Variants in SDK1 observed in about 807,000 individuals in gnomAD.
SDK1 encodes the protein sidekick cell adhesion molecule 1.
A neutral mutation model predicts 245.5 loss-of-function variants in SDK1; 157 were observed. That is an observed-to-expected ratio of 0.64 (90% confidence interval 0.56 to 0.73). The LOEUF is 0.73. Ranked by LOEUF, SDK1 falls within the 30% of genes least tolerant of loss-of-function variation. The pLI is 0.00. For missense variants in SDK1, 3,583 were observed against 3,002.3 expected (o/e 1.19, Z -4.52); for synonymous variants, 1,647 against 1,278.5 (o/e 1.29, Z -6.15).
At chr7:4,197,288 C>T (rs1324937870) in intron 35 of SDK1, among the ~76,000 whole-genome samples, 1 of 150,168 alleles carries the variant, frequency 6.7e-6, no homozygotes, top group Non-Finnish European at 1.5e-5. Flanking sequence ...TGTAGCAAGA[C>T]CTCATCTCTG....
intron 1 of SDK1, among the ~76,000 whole-genome samples, chr7:3,334,286 G>T (rs1780143534): frequency 6.6e-6 from 1 of 152,154 alleles, no homozygotes; most frequent in Admixed American, 6.5e-5. Flanking sequence ...TCCTTGATAG[G>T]TTGACTTGTT....
chr7:4,185,767 A>T (rs1782854524), intron 35 of SDK1, among the ~76,000 whole-genome samples: 1 of 151,878 alleles, frequency 6.6e-6, no homozygotes, highest in Non-Finnish European at 1.5e-5. Context: ...CCAGAACGTT[A>T]GCATAAGGCC....
At chr7:3,460,645 G>A (rs1780806064) in intron 1 of SDK1, among the ~76,000 whole-genome samples, 1 of 152,056 alleles carries the variant, frequency 6.6e-6, no homozygotes, top group South Asian at 2.1e-4. Context: ...TATTTTATAG[G>A]TTCTATAAAA....
chr7:3,526,024 C>T (rs1466651838), intron 1 of SDK1, among the ~76,000 whole-genome samples: 3 of 151,998 alleles, frequency 2.0e-5, no homozygotes, highest in Non-Finnish European at 4.4e-5. Flanking sequence ...CACCTGAGGT[C>T]GGGAGTTTGA....
chr7:3,608,057 C>T (rs763858127), intron 1 of SDK1, among the ~76,000 whole-genome samples: 21 of 152,202 alleles, frequency 1.4e-4, no homozygotes, highest in Non-Finnish European at 2.4e-4. Flanking sequence ...AAACTTCTGG[C>T]ACCTGAGCGC....
chr7:3,554,505 G>C (rs73037624), intron 1 of SDK1, among the ~76,000 whole-genome samples: 2,496 of 152,224 alleles, frequency 0.016, 31 homozygotes, highest in Non-Finnish European at 0.027. Context: ...GATAGAGAAA[G>C]ATAGTTCAAT....
Position 3,969,330 on chromosome 7 carries a change from C to G in SDK1, c.1620C>G (p.Ile540Met), listed in dbSNP as rs774589584. Residue 540 changes from isoleucine to methionine, a missense_variant, in exon 11 of 45, where the codon ATC becomes ATG. Physicochemically the swap from Ile to Met is conservative, Grantham distance 10 (BLOSUM62 1). Transcript: ENST00000404826. ...FMLLESGGLQ[I>M]APVFIQDAGN... ...TTCTTGAATCGGGGGGTCTACAGAT[C>G]GCGCCCGTCTTCATCCAGGATGCCG... 4.3e-6 allele frequency: 7 copies of G among 1,611,100 alleles called. No individual in the cohort carries two copies. Among genetic ancestry groups the G allele is most frequent in the Non-Finnish European group, 5.1e-6 (6 of 1,178,778 alleles).
chr7:4,178,683 C>G (rs1051754697), intron 35 of SDK1, 97 bp downstream of exon 35: 62 of 828,110 alleles, frequency 7.5e-5, no homozygotes, highest in Non-Finnish European at 1.2e-4. Flanking sequence ...TGTCCAGCAG[C>G]GTTCTTTCTC....
intron 5 of SDK1, among the ~76,000 whole-genome samples, chr7:3,888,501 C>G (rs1398803521): frequency 1.3e-5 from 2 of 152,178 alleles, no homozygotes; most frequent in African/African-American, 4.8e-5. Context: ...TTCAGTAAAT[C>G]AATGGTGATG....
At chr7:3,921,451 C>G (rs1562538491) in intron 5 of SDK1, among the ~76,000 whole-genome samples, 1 of 152,188 alleles carries the variant, frequency 6.6e-6, no homozygotes, top group Non-Finnish European at 1.5e-5. Flanking sequence ...ATGCAAACAT[C>G]AACATTATTT....
intron 40 of SDK1, chr7:4,227,400 C>T (rs1204662102): frequency 4.2e-6 from 2 of 471,206 alleles, no homozygotes; most frequent in Non-Finnish European, 8.8e-6. Flanking sequence ...TTGCCTCCTG[C>T]CTTGAATGAG....
At chr7:3,687,577 A>G (rs1784324915) in intron 4 of SDK1, among the ~76,000 whole-genome samples, 2 of 152,182 alleles carry the variant, frequency 1.3e-5, no homozygotes, top group South Asian at 2.1e-4. Context: ...GGCAACTTGG[A>G]TGCATCTCCA....
intron 28 of SDK1, among the ~76,000 whole-genome samples, chr7:4,137,802 C>T (rs1013333805): frequency 2.0e-5 from 3 of 152,236 alleles, no homozygotes; most frequent in South Asian, 2.1e-4. Context: ...TTTCTGATCT[C>T]GCTGTAACCG....
At chr7:4,183,093 G>A (rs117698881) in intron 35 of SDK1, among the ~76,000 whole-genome samples, 2,577 of 152,276 alleles carry the variant, frequency 0.017, 33 homozygotes, top group South Asian at 0.064. Context: ...ATGCCATCAC[G>A]GGGCGTGGAA....
intron 17 of SDK1, among the ~76,000 whole-genome samples, chr7:4,022,999 C>G (rs1451298879): frequency 6.6e-6 from 1 of 152,064 alleles, no homozygotes; most frequent in African/African-American, 2.4e-5. Flanking sequence ...TGGTCTCGAT[C>G]TCCTGACCTC....
chr7:4,036,771 C>A (rs897597753), intron 17 of SDK1, among the ~76,000 whole-genome samples: 1 of 152,122 alleles, frequency 6.6e-6, no homozygotes, highest in African/African-American at 2.4e-5. Flanking sequence ...TAGAAGGCAC[C>A]ATCTCTAAGA....
chr7:3,724,138 T>C (rs965153165), intron 4 of SDK1, among the ~76,000 whole-genome samples: 1 of 152,028 alleles, frequency 6.6e-6, no homozygotes, highest in African/African-American at 2.4e-5. Context: ...TAATTTGTTG[T>C]ATTTTTAGTA....
At chr7:3,555,072 G>T (rs772158353) in intron 1 of SDK1, among the ~76,000 whole-genome samples, 2 of 152,020 alleles carry the variant, frequency 1.3e-5, no homozygotes, top group Non-Finnish European at 2.9e-5. Context: ...CACAGAAATA[G>T]AAAAACAATC....
At chr7:3,929,582 G>A (rs577732287) in intron 5 of SDK1, among the ~76,000 whole-genome samples, 1 of 152,284 alleles carries the variant, frequency 6.6e-6, no homozygotes, top group African/African-American at 2.4e-5. Context: ...CGGTGGGACT[G>A]TTCTAAACTC....
Sources: allele counts gnomAD v4.1 joint callset (sites outside exome capture counted in the v4.1 genomes callset), GRCh38; gene constraint gnomAD v4.1.1; transcripts MANE v1.5; gene names NCBI Gene and HGNC (gene_info 2026-07-23, HGNC 2026-07-21).